The following SLC44A1 variants were observed in gnomAD, a reference collection of about 807,000 sequenced individuals.
SLC44A1 encodes choline transporter-like protein 1.
A neutral mutation model predicts 79.3 loss-of-function variants in SLC44A1; 26 were observed. That is an observed-to-expected ratio of 0.33 (90% CI 0.24 to 0.46). SLC44A1 has a LOEUF of 0.46. SLC44A1 is among the 20% of genes least tolerant of loss of function. The pLI is 1.00. For missense variants in SLC44A1, 688 were observed against 798.1 expected (o/e 0.86, Z 1.66); for synonymous variants, 263 against 286.2 (o/e 0.92, Z 0.82).
intron 1 of SLC44A1, among the ~76,000 whole-genome samples, chr9:105,248,128 G>GCAGTT (rs1829501475): frequency 6.6e-6 from 1 of 152,216 alleles, no homozygotes; most frequent in Non-Finnish European, 1.5e-5. Context: ...GAGGTAATCT[G>GCAGTT]CAGTTCAGTT....
chr9:105,315,449 G>A (rs989147157), intron 3 of SLC44A1, among the ~76,000 whole-genome samples: 1 of 151,928 alleles, frequency 6.6e-6, no homozygotes, highest in Middle Eastern at 3.2e-3. Flanking sequence ...GACTTTAGTG[G>A]CCACTGATCA....
intron 12 of SLC44A1, among the ~76,000 whole-genome samples, chr9:105,371,622 G>C (rs959943102): frequency 5.9e-5 from 9 of 151,554 alleles, no homozygotes; most frequent in African/African-American, 2.2e-4. Flanking sequence ...GGGAGGCTGA[G>C]GCAGGAGAAT....
chr9:105,342,275 G>A (rs958238517), intron 4 of SLC44A1, among the ~76,000 whole-genome samples: 1 of 152,026 alleles, frequency 6.6e-6, no homozygotes, highest in East Asian at 1.9e-4. Flanking sequence ...AATCTTGCAC[G>A]GACCTGCCCC....
intron 8 of SLC44A1, 137 bp from the exon 9 acceptor site, chr9:105,362,684 A>T: frequency 1.9e-6 from 1 of 538,250 alleles, no homozygotes; most frequent in Non-Finnish European, 3.2e-6. Context: ...AGAGATACTT[A>T]CTGATAAAGT....
rs1828826051 is a variant in SLC44A1 at position 105,394,213 on chromosome 9, A to C, written c.*5157A>C. The stretch of plus-strand genomic sequence containing the variant: ...TCTGATAATGTGTTTTGAAATGAGG[A>C]AGTGATTAGGCCTCCACTAGAGATA... On this transcript the variant is annotated 3_prime_UTR_variant, in exon 16 of 16. Transcript: ENST00000374720. 1.0e-6 allele frequency: 1 copy of C among 985,256 alleles called. No homozygotes were observed. The highest frequency in any genetic ancestry group is 1.7e-5 in the African/African-American group (1 of 57,218). 61.0% of individuals were successfully genotyped at this position (985,256 alleles called of 1,614,324 possible). A position where few individuals can be genotyped will look rare whatever the true frequency, so the allele number is the denominator to read the frequency against.
intron 12 of SLC44A1, among the ~76,000 whole-genome samples, chr9:105,368,755 A>AG (rs765097438): frequency 1.3e-5 from 2 of 152,148 alleles, no homozygotes; most frequent in Non-Finnish European, 2.9e-5. Flanking sequence ...AAATCTATTG[A>AG]GGTCAGGCAC....
In SLC44A1 at chr9:105,394,009, G is replaced by A. The variant is rs184162932; in HGVS notation, c.*4953G>A. The A allele has an allele frequency of 1.1e-3, 1,063 of 985,176 alleles. 6 individuals carry two copies. In the African/African-American group the frequency reaches 0.018, roughly 17 times the overall value. The allele number at this position is 985,176 out of a possible 1,614,324, so 61.0% of individuals were successfully genotyped here. A position where few individuals can be genotyped will look rare whatever the true frequency, so the allele number is the denominator to read the frequency against. ...ATTCAAAAACAAGTTATTTTGAAGAGACAATGGGTCTCTTTGAGCTTAAGA... is the reference window on the plus strand; with the variant it reads ...ATTCAAAAACAAGTTATTTTGAAGAAACAATGGGTCTCTTTGAGCTTAAGA... On this transcript the variant is annotated 3_prime_UTR_variant, in exon 16 of 16. Coordinates refer to ENST00000374720, the MANE Select transcript of SLC44A1 (RefSeq NM_080546.5).
rs1028859276 is a variant in SLC44A1 at position 105,253,709 on chromosome 9, G to A, written c.36+8805G>A. Among the ~76,000 whole-genome samples the A allele has an allele frequency of 3.9e-5, 6 of 152,130 alleles. No homozygotes were observed. In the South Asian group the frequency reaches 1.0e-3, roughly 26 times the overall value. ...TGATCGTGCCTGTATTCCGGCCTGGGTGGCAGAGCCAGACCCTGTCTTTAT... is the reference window on the plus strand; with the variant it reads ...TGATCGTGCCTGTATTCCGGCCTGGATGGCAGAGCCAGACCCTGTCTTTAT... On this transcript the variant is annotated intron_variant, in intron 1 of 15. Transcript: ENST00000374720.
intron 1 of SLC44A1, among the ~76,000 whole-genome samples, chr9:105,263,184 C>A (rs770589555): frequency 1.3e-5 from 2 of 152,178 alleles, no homozygotes; most frequent in Non-Finnish European, 2.9e-5. Flanking sequence ...TTTGTTCAGT[C>A]TTTGTTTAAA....
chr9:105,281,595 G>A (rs373259514), intron 1 of SLC44A1, among the ~76,000 whole-genome samples: 7 of 152,108 alleles, frequency 4.6e-5, no homozygotes, highest in African/African-American at 1.7e-4. Context: ...AGGTTTGAAG[G>A]TATAGAGGCT....
At chr9:105,421,736 T>C (rs1246001316) in intron 15 of SLC44A1, among the ~76,000 whole-genome samples, 23 of 152,018 alleles carry the variant, frequency 1.5e-4, no homozygotes, top group Non-Finnish European at 1.9e-4. Context: ...TACAGGTGCC[T>C]ACCACGGCGC....
intron 12 of SLC44A1, among the ~76,000 whole-genome samples, chr9:105,370,534 T>G (rs1017966479): frequency 2.0e-5 from 3 of 152,108 alleles, no homozygotes; most frequent in Non-Finnish European, 4.4e-5. Flanking sequence ...ACTTCTGCCC[T>G]AAAAGCAGAT....
chr9:105,416,518 G>T (rs1829173236), intron 15 of SLC44A1, among the ~76,000 whole-genome samples: 1 of 152,142 alleles, frequency 6.6e-6, no homozygotes, highest in African/African-American at 2.4e-5. Context: ...AATAAATTGA[G>T]GCCTAGGGGA....
Position 105,389,835 on chromosome 9 carries a change from G to A in SLC44A1, c.*779G>A. ...AGTAGCATCCTCCACACATTTGTGT[G>A]CCTGATTTGAAAGGAAGCTGGGGCA... On this transcript the variant is annotated 3_prime_UTR_variant, in exon 16 of 16. Coordinates refer to ENST00000374720, the MANE Select transcript of SLC44A1 (RefSeq NM_080546.5). 1.4e-6 allele frequency: 2 copies of A among 1,438,402 alleles called. No individual in the cohort carries two copies. Among genetic ancestry groups the A allele is most frequent in the Non-Finnish European group, 1.8e-6 (2 of 1,096,342 alleles). The allele number at this position is 1,438,402 out of a possible 1,614,324, so 89.1% of individuals were successfully genotyped here.
intron 1 of SLC44A1, among the ~76,000 whole-genome samples, chr9:105,283,522 A>G (rs1830406610): frequency 6.6e-6 from 1 of 152,190 alleles, no homozygotes; most frequent in Non-Finnish European, 1.5e-5. Flanking sequence ...TTAACGTAGA[A>G]TTCATGTAAA....
At chr9:105,276,421 A>G (rs948326903) in intron 1 of SLC44A1, among the ~76,000 whole-genome samples, 2 of 152,130 alleles carry the variant, frequency 1.3e-5, no homozygotes, top group Non-Finnish European at 1.5e-5. Flanking sequence ...GAACTATTCT[A>G]TGTACTGGGG....
intron 15 of SLC44A1, among the ~76,000 whole-genome samples, chr9:105,423,764 T>C (rs913142548): frequency 7.9e-5 from 12 of 152,198 alleles, no homozygotes; most frequent in African/African-American, 2.9e-4. Flanking sequence ...AACTTGTCAT[T>C]TTGAGTCTTG....
intron 13 of SLC44A1, among the ~76,000 whole-genome samples, chr9:105,382,247 AT>A (rs1482717648): frequency 6.6e-6 from 1 of 152,188 alleles, no homozygotes; most frequent in East Asian, 1.9e-4. Context: ...GGATGATAAT[AT>A]TTGCCATAAA....
At chr9:105,381,016 C>G (rs1828446532) in intron 13 of SLC44A1, among the ~76,000 whole-genome samples, 1 of 152,168 alleles carries the variant, frequency 6.6e-6, no homozygotes, top group African/African-American at 2.4e-5. Flanking sequence ...GAAGTTACCT[C>G]CTGCATGAGA....
Sources: gnomAD v4.1 joint callset for allele counts (sites outside exome capture counted in the v4.1 genomes callset) on GRCh38, gnomAD v4.1.1 for gene constraint, MANE v1.5 for transcripts, NCBI Gene and HGNC (gene_info 2026-07-23, HGNC 2026-07-21) for gene names.